Variants in MEOX2 observed in about 807,000 individuals in gnomAD.
MEOX2 encodes the protein mesenchyme homeobox 2.
MEOX2 carries 11 observed loss-of-function variants against 27.0 expected under a neutral mutation model. The observed-to-expected ratio is 0.41, with a 90% CI of 0.26 to 0.68. The LOEUF is 0.68. Ranked by LOEUF, MEOX2 falls within the 30% of genes least tolerant of loss-of-function variation. The probability of loss-of-function intolerance (pLI) is 0.33; values close to 1 mark genes in which losing one functional copy is unlikely to be tolerated. For missense variants in MEOX2, 436 were observed against 385.4 expected (o/e 1.13, Z -1.10); for synonymous variants, 189 against 155.4 (o/e 1.22, Z -1.61).
In MEOX2 at chr7:15,612,059, A is replaced by G. The variant is rs1173701619; in HGVS notation, c.*328T>C. 2 of 309,006 alleles carry G rather than the reference A, an allele frequency of 6.5e-6. No homozygotes were observed. Among genetic ancestry groups the G allele is most frequent in the African/African-American group, 4.2e-5 (2 of 47,680 alleles). The allele number at this position is 309,006 out of a possible 1,614,324, so 19.1% of individuals were successfully genotyped here. A position where few individuals can be genotyped will look rare whatever the true frequency, so the allele number is the denominator to read the frequency against. On this transcript the variant is annotated 3_prime_UTR_variant, in exon 3 of 3. Coordinates refer to ENST00000262041, the MANE Select transcript of MEOX2 (RefSeq NM_005924.5). Reference sequence around the variant, plus strand: ...CTTCACTCTGGAGACATCTTGAATAAAAAACCGTTCATAGTTTGCTCTTGA... The same window carrying G: ...CTTCACTCTGGAGACATCTTGAATAGAAAACCGTTCATAGTTTGCTCTTGA...
intron 2 of MEOX2, among the ~76,000 whole-genome samples, chr7:15,619,811 T>G (rs1288789651): frequency 6.6e-6 from 1 of 152,086 alleles, no homozygotes; most frequent in Non-Finnish European, 1.5e-5. Flanking sequence ...TTTTAAAATA[T>G]TATTTGAAAT....
At chr7:15,662,534 G>C (rs932706740) in intron 1 of MEOX2, among the ~76,000 whole-genome samples, 8 of 151,902 alleles carry the variant, frequency 5.3e-5, no homozygotes, top group African/African-American at 1.9e-4. Flanking sequence ...AGAGACAAAA[G>C]GACTGGGAAA....
Position 15,686,197 on chromosome 7 carries a change from TG to T in MEOX2, c.205del (p.His69ThrfsTer147), listed in dbSNP as rs780233864. 8,973 of 1,601,690 alleles carry T rather than the reference TG, an allele frequency of 5.6e-3. 43 individuals are homozygous for T. Among genetic ancestry groups the T allele is most frequent in the Non-Finnish European group, 6.9e-3 (8,096 of 1,173,502 alleles). On this transcript the variant is annotated frameshift_variant, in exon 1 of 3. Coordinates refer to ENST00000262041, the MANE Select transcript of MEOX2 (RefSeq NM_005924.5). LOFTEE classifies it high-confidence loss of function. ...ATGGTGGTGGTGGTGGTGGTGGTGG[TG>T]GTGCCCCCTGTGATGCTGGCTGGCA... ...MFASQHHRGH[H>X]HHHHHHHHHH...
intron 1 of MEOX2, among the ~76,000 whole-genome samples, chr7:15,653,074 G>C (rs1216734077): frequency 6.6e-6 from 1 of 151,948 alleles, no homozygotes; most frequent in Non-Finnish European, 1.5e-5. Flanking sequence ...AGAGTGGCTG[G>C]GCCATTTTAC....
intron 2 of MEOX2, among the ~76,000 whole-genome samples, chr7:15,618,163 A>C (rs1441767518): frequency 6.6e-6 from 1 of 151,978 alleles, no homozygotes; most frequent in Non-Finnish European, 1.5e-5. Flanking sequence ...TACCTGGTAA[A>C]ATTCAACTCG....
chr7:15,612,641 GA>G, intron 2 of MEOX2, 30 bp from the exon 3 acceptor site: 1 of 1,576,648 alleles, frequency 6.3e-7, no homozygotes, highest in South Asian at 1.1e-5. Context: ...CAAACAAACA[GA>G]AAAAAAGAGA....
chr7:15,670,505 G>A (rs1481725012), intron 1 of MEOX2, among the ~76,000 whole-genome samples: 25 of 152,126 alleles, frequency 1.6e-4, no homozygotes, highest in Admixed American at 1.6e-3. Context: ...TAGAATGACT[G>A]TCCAGCTGGA....
chr7:15,653,902 T>A (rs1781779701), intron 1 of MEOX2, among the ~76,000 whole-genome samples: 1 of 151,996 alleles, frequency 6.6e-6, no homozygotes, highest in South Asian at 2.1e-4. Context: ...TATTCTAGTG[T>A]CTCTGCTTTT....
chr7:15,653,347 C>T (rs916864796), intron 1 of MEOX2, among the ~76,000 whole-genome samples: 1 of 151,888 alleles, frequency 6.6e-6, no homozygotes, highest in Non-Finnish European at 1.5e-5. Context: ...ATTGTTGAGA[C>T]TTGAGAGTTC....
intron 1 of MEOX2, among the ~76,000 whole-genome samples, chr7:15,672,984 C>T (rs1377234337): frequency 5.3e-5 from 8 of 152,080 alleles, no homozygotes; most frequent in Admixed American, 4.6e-4. Context: ...GACAGTCATT[C>T]AACTCTCCTA....
In MEOX2 at chr7:15,626,887, G is replaced by A; in HGVS notation, c.549C>T (p.Val183=). The change falls in exon 2 of 3, where the codon GTC becomes GTT. Residue 183 remains valine (V), a synonymous_variant. Transcript: ENST00000262041. The part of the protein sequence containing the change: ...DSQEGNYKSE[V]NSKPRKERTA... ...TCCTTTCTTTCCTGGGTTTGCTGTT[G>A]ACTTCTGACTTGTAATTTCCTTCCT... 1.9e-6 allele frequency: 3 copies of A among 1,611,510 alleles called. No homozygotes were observed. The highest frequency in any genetic ancestry group is 1.1e-5 in the South Asian group (1 of 90,922).
chr7:15,634,528 G>T (rs1279464447), intron 1 of MEOX2, among the ~76,000 whole-genome samples: 1 of 151,968 alleles, frequency 6.6e-6, no homozygotes, highest in Non-Finnish European at 1.5e-5. Flanking sequence ...AATTCAACCA[G>T]ATATCTGTAG....
chr7:15,639,497 C>T (rs1434782025), intron 1 of MEOX2, among the ~76,000 whole-genome samples: 1 of 151,862 alleles, frequency 6.6e-6, no homozygotes, highest in Non-Finnish European at 1.5e-5. Context: ...TCCCATTTGT[C>T]TGCTTTTGTT....
At position 15,611,329 on chromosome 7, in the gene MEOX2, G is replaced by T. The variant is rs1454258572; in HGVS notation, c.*1058C>A. ...GTGTTTTTACCGAATTTAATTTGAAGATATTCAGAATTTTGTTTTCTATCA... is the reference window on the plus strand; with the variant it reads ...GTGTTTTTACCGAATTTAATTTGAATATATTCAGAATTTTGTTTTCTATCA... On this transcript the variant is annotated 3_prime_UTR_variant, in exon 3 of 3. Transcript: ENST00000262041. 1 of 152,284 alleles carries T rather than the reference G, an allele frequency of 6.6e-6. No homozygotes were observed. Among genetic ancestry groups the T allele is most frequent in the Non-Finnish European group, 1.5e-5 (1 of 68,014 alleles). The allele number at this position is 152,284 out of a possible 1,614,324, so 9.4% of individuals were successfully genotyped here.
intron 1 of MEOX2, among the ~76,000 whole-genome samples, chr7:15,655,794 C>G (rs1255245299): frequency 2.0e-5 from 3 of 151,616 alleles, no homozygotes; most frequent in African/African-American, 7.2e-5. Context: ...TTGATATATA[C>G]TTAGTGAGCT....
chr7:15,620,295 T>C (rs1317307062), intron 2 of MEOX2, among the ~76,000 whole-genome samples: 1 of 152,206 alleles, frequency 6.6e-6, no homozygotes, highest in Non-Finnish European at 1.5e-5. Context: ...GCTACATAGG[T>C]AGACTTGAAT....
At chr7:15,616,663 A>G (rs562047605) in intron 2 of MEOX2, among the ~76,000 whole-genome samples, 1 of 152,092 alleles carries the variant, frequency 6.6e-6, no homozygotes, top group Admixed American at 6.5e-5. Flanking sequence ...TTACTAAAAA[A>G]TAAGTATTTG....
At chr7:15,628,754 A>G (rs2115361819) in intron 1 of MEOX2, among the ~76,000 whole-genome samples, 1 of 152,232 alleles carries the variant, frequency 6.6e-6, no homozygotes, top group South Asian at 2.1e-4. Flanking sequence ...GCCTCTAGCT[A>G]CAGATATGTC....
chr7:15,673,591 G>A (rs1782142017), intron 1 of MEOX2, among the ~76,000 whole-genome samples: 1 of 27,808 alleles, frequency 3.6e-5, no homozygotes. Flanking sequence ...ACATAAACAA[G>A]TCTATCAAAA....
Sources: gnomAD v4.1 joint callset for allele counts (sites outside exome capture counted in the v4.1 genomes callset) on GRCh38, gnomAD v4.1.1 for gene constraint, MANE v1.5 for transcripts, NCBI Gene and HGNC (gene_info 2026-07-23, HGNC 2026-07-21) for gene names.